KIAA1614: variants seen among roughly 807,000 people sequenced by gnomAD.
KIAA1614 encodes the protein KIAA1614.
KIAA1614 carries 76 observed loss-of-function variants against 88.7 expected under a neutral mutation model. That is an observed-to-expected ratio of 0.86 (90% CI 0.71 to 1.04). The LOEUF (loss-of-function observed/expected upper bound fraction) is 1.04, where lower values mean the gene tolerates loss of function less well. Ranked by LOEUF, KIAA1614 falls within the 50% of genes least tolerant of loss-of-function variation. KIAA1614 has a pLI of 0.00. For missense variants in KIAA1614, 1,553 were observed against 1,582.5 expected (o/e 0.98, Z 0.32); for synonymous variants, 714 against 675.5 (o/e 1.06, Z -0.88).
At chr1:180,943,028 G>GTTTTTTTTTTTGTTTTTTTTTTTTTTTTT (rs1485625453) in intron 7 of KIAA1614, among the ~76,000 whole-genome samples, 1 of 14,936 alleles carries the variant, frequency 6.7e-5, no homozygotes, top group Non-Finnish European at 2.2e-4. Flanking sequence ...AGTTTTTTGG[G>GTTTTTTTTTTTGTTTTTTTTTTTTTTTTT]TTTTTTTTTT....
At chr1:180,937,904 C>G (rs913943060) in intron 5 of KIAA1614, among the ~76,000 whole-genome samples, 6 of 152,194 alleles carry the variant, frequency 3.9e-5, no homozygotes, top group African/African-American at 1.4e-4. Flanking sequence ...ACCTGCTGAC[C>G]TCTCTGGGCA....
In KIAA1614 at chr1:180,916,332, C is replaced by T. The variant is rs1653797605; in HGVS notation, c.229C>T (p.Leu77Phe). The T allele has an allele frequency of 6.2e-7, 1 of 1,614,106 alleles. No individual in the cohort carries two copies. Among genetic ancestry groups the T allele is most frequent in the Non-Finnish European group, 8.5e-7 (1 of 1,180,002 alleles). ...PQPPRVWGVQ[L>F]QGPSVLESKV... ...GCCTCCCAGGGTATGGGGAGTACAG[C>T]TCCAGGGCCCCTCTGTGCTGGAATC... is the stretch of plus-strand genomic sequence containing the variant. Residue 77 changes from leucine to phenylalanine, a missense_variant, in exon 2 of 9, where the codon CTC becomes TTC. Transcript: ENST00000367588.
chr1:180,935,915 G>C lies in KIAA1614; in HGVS notation c.2006G>C (p.Trp669Ser). 6.2e-7 allele frequency: 1 copy of C among 1,614,012 alleles called. No homozygotes were observed. The highest frequency in any genetic ancestry group is 1.3e-5 in the African/African-American group (1 of 75,068). ...WSKKAEAELP[W>S]GLQAQQHLPR... ...AAGAAGGCTGAGGCGGAGCTCCCTT[G>C]GGGCCTTCAGGCCCAGCAACACCTG... Residue 669 changes from tryptophan (W) to serine (S), a missense_variant, in exon 5 of 9, where the codon TGG becomes TCG. By Grantham distance (177) the Trp-to-Ser change is radical (BLOSUM62 -3). Coordinates refer to ENST00000367588, the MANE Select transcript of KIAA1614 (RefSeq NM_020950.2). The surrounding 1 kb of genome is among the most constrained non-coding windows in gnomAD (Gnocchi z 6.1).
At chr1:180,934,974 C>T (rs1301337866) in intron 4 of KIAA1614, 141 bp from the exon 5 acceptor site, 2 of 545,406 alleles carry the variant, frequency 3.7e-6, no homozygotes, top group African/African-American at 2.0e-5. Flanking sequence ...CAGAAATCCT[C>T]TCTGGAGTAA....
intron 8 of KIAA1614, 144 bp downstream of exon 8, chr1:180,944,660 G>A (rs758734427): frequency 2.8e-5 from 26 of 913,846 alleles, no homozygotes; most frequent in Non-Finnish European, 4.1e-5. Flanking sequence ...GTGTGGAGAC[G>A]AGGCTGCCAC....
chr1:180,914,479 C>T (rs929218046), intron 1 of KIAA1614, among the ~76,000 whole-genome samples: 1 of 152,230 alleles, frequency 6.6e-6, no homozygotes, highest in African/African-American at 2.4e-5. Flanking sequence ...CCTCTTAGCA[C>T]CTGTGTATTG....
At chr1:180,915,316 G>A (rs904129324) in intron 1 of KIAA1614, among the ~76,000 whole-genome samples, 2 of 152,196 alleles carry the variant, frequency 1.3e-5, no homozygotes, top group African/African-American at 4.8e-5. Context: ...GTCAGATCCT[G>A]CTTGGTGTCT....
intron 7 of KIAA1614, 22 bp from the exon 8 acceptor site, chr1:180,944,367 A>T: frequency 6.2e-7 from 1 of 1,610,046 alleles, no homozygotes; most frequent in Non-Finnish European, 8.5e-7. Flanking sequence ...TCTCACCCGC[A>T]ATATTGTCCC....
chr1:180,927,141 C>A (rs1654086572), intron 3 of KIAA1614, among the ~76,000 whole-genome samples: 1 of 152,108 alleles, frequency 6.6e-6, no homozygotes, highest in Non-Finnish European at 1.5e-5. Context: ...GTGCCATTTC[C>A]ACTCACATCT....
At chr1:180,918,002 C>A in intron 3 of KIAA1614, 88 bp downstream of exon 3, 2 of 1,136,836 alleles carry the variant, frequency 1.8e-6, no homozygotes, top group Non-Finnish European at 2.6e-6. Context: ...AGAGACCTCC[C>A]AAAGTGAGAG....
chr1:180,926,986 C>G (rs1043351493), intron 3 of KIAA1614, among the ~76,000 whole-genome samples: 2 of 152,226 alleles, frequency 1.3e-5, no homozygotes, highest in African/African-American at 4.8e-5. Flanking sequence ...TTCTAGCAGT[C>G]TCCTCCTGCT....
rs1654387508 is a variant in KIAA1614, at chr1:180,938,703, G to A, written c.2910G>A (p.Val970=). 2 of 1,613,854 alleles carry A rather than the reference G, an allele frequency of 1.2e-6. No homozygotes were observed. The highest frequency in any genetic ancestry group is 2.2e-5 in the East Asian group (1 of 44,888). The part of the protein sequence containing the change: ...QRTGSGSGGH[V]LSRASAGAGT... ...CAGGGTCAGGATCTGGAGGACATGT[G>A]CTGTCAAGGTGAGTGACAGGAGAAA... Residue 970 remains valine, a synonymous_variant, in exon 6 of 9, where the codon GTG becomes GTA. Transcript: ENST00000367588.
rs776749582 is a variant in KIAA1614 at position 180,935,695 on chromosome 1, GA to G, written c.1789del (p.Thr597HisfsTer93). 6.2e-7 allele frequency: 1 copy of G among 1,613,700 alleles called. No individual in the cohort carries two copies. The highest frequency in any genetic ancestry group is 1.1e-5 in the South Asian group (1 of 91,082). On this transcript the variant is annotated frameshift_variant, in exon 5 of 9. Transcript: ENST00000367588. LOFTEE classifies it high-confidence loss of function. This position sits in a 1 kb window ranked among gnomAD's most constrained non-coding sequence, Gnocchi z 6.1. ...CCGGCTCCACATGGAATGGATCCGG[GA>G]AACACACATCGGAGACACCGTGTGC... is the stretch of plus-strand genomic sequence containing the variant. Reference protein sequence around the residue: ...EPRLHMEWIRETHIGDTVCPA... With the variant: ...EPRLHMEWIRXTHIGDTVCPA...
At chr1:180,924,729 C>T (rs1654029800) in intron 3 of KIAA1614, among the ~76,000 whole-genome samples, 1 of 152,124 alleles carries the variant, frequency 6.6e-6, no homozygotes, top group Non-Finnish European at 1.5e-5. Context: ...CAGGTCCCCT[C>T]CAGCTACAAG....
intron 3 of KIAA1614, among the ~76,000 whole-genome samples, chr1:180,920,351 G>A (rs1030427360): frequency 8.5e-5 from 13 of 152,244 alleles, no homozygotes; most frequent in African/African-American, 3.1e-4. Flanking sequence ...CTCGAAGCCA[G>A]GGTCCTGGGG....
intron 3 of KIAA1614, among the ~76,000 whole-genome samples, chr1:180,918,130 G>A (rs1416443023): frequency 6.6e-6 from 1 of 152,098 alleles, no homozygotes; most frequent in Non-Finnish European, 1.5e-5. Flanking sequence ...TGCTACTTGA[G>A]CAAAACCACC....
chr1:180,921,582 G>C (rs1197413199), intron 3 of KIAA1614, among the ~76,000 whole-genome samples: 2 of 152,154 alleles, frequency 1.3e-5, no homozygotes, highest in African/African-American at 4.8e-5. Context: ...AAGCCACCCT[G>C]TCCCTGCCCC....
At chr1:180,917,175 G>T in intron 2 of KIAA1614, 75 bp downstream of exon 2, 5 of 1,203,982 alleles carry the variant, frequency 4.2e-6, no homozygotes, top group Non-Finnish European at 5.9e-6. Context: ...GGGACGAGGG[G>T]GTCCCACAGA....
At chr1:180,930,777 G>A (rs1654180326) in intron 4 of KIAA1614, among the ~76,000 whole-genome samples, 3 of 152,366 alleles carry the variant, frequency 2.0e-5, no homozygotes, top group South Asian at 4.1e-4. Context: ...GAATTACTGT[G>A]ACTTGGCAGC....
Sources: gnomAD v4.1 joint callset for allele counts (sites outside exome capture counted in the v4.1 genomes callset) on GRCh38, gnomAD v4.1.1 for gene constraint, Gnocchi (gnomAD v3.1) non-coding constraint, MANE v1.5 for transcripts, NCBI Gene and HGNC (gene_info 2026-07-23, HGNC 2026-07-21) for gene names.